PRTG: variants seen among roughly 807,000 people sequenced by gnomAD.
PRTG encodes the protein protogenin, also known as immunoglobulin superfamily, DCC subclass, member 5.
PRTG carries 67 observed loss-of-function variants against 122.5 expected under a neutral mutation model. That is an observed-to-expected ratio of 0.55 (90% CI 0.45 to 0.67). The LOEUF (loss-of-function observed/expected upper bound fraction) is 0.67, where lower values mean the gene tolerates loss of function less well. PRTG is among the 30% of genes least tolerant of loss of function. The probability of loss-of-function intolerance (pLI) is 0.00; values close to 1 mark genes in which losing one functional copy is unlikely to be tolerated. For synonymous variants in PRTG, 554 were observed against 501.1 expected, an observed-to-expected ratio of 1.11 and a Z score of -1.41; for missense variants, 1,435 against 1,415.4, an observed-to-expected ratio of 1.01 and a Z score of -0.22.
intron 2 of PRTG, among the ~76,000 whole-genome samples, chr15:55,705,450 T>C (rs943366006): frequency 2.0e-5 from 3 of 152,206 alleles, no homozygotes; most frequent in Non-Finnish European, 4.4e-5. Context: ...AACTATTTTG[T>C]CTTCCCCTTT....
chr15:55,680,562 AG>A lies in PRTG; in HGVS notation c.742del (p.Leu248PhefsTer5). On this transcript the variant is annotated frameshift_variant, in exon 5 of 20. Transcript: ENST00000389286. LOFTEE classifies it high-confidence loss of function. ...GCATTCCAAAACTACAGTCTGATGA[AG>A]AGATGTTGTTATGTTCTGTGGACCT... ...IAGPQNITTS[L>X]HQTVVLECMA... The A allele has an allele frequency of 6.2e-7, 1 of 1,601,140 alleles. No homozygotes were observed. The highest frequency in any genetic ancestry group is 8.5e-7 in the Non-Finnish European group (1 of 1,172,618).
intron 2 of PRTG, among the ~76,000 whole-genome samples, chr15:55,730,866 T>G (rs1477342284): frequency 6.6e-6 from 1 of 152,194 alleles, no homozygotes; most frequent in Admixed American, 6.5e-5. Flanking sequence ...GCTGTGCCCT[T>G]GAGAAAGGCA....
intron 2 of PRTG, among the ~76,000 whole-genome samples, chr15:55,737,642 C>A (rs1314008783): frequency 2.0e-5 from 3 of 152,134 alleles, no homozygotes; most frequent in African/African-American, 7.2e-5. Flanking sequence ...CTCATCCTGG[C>A]CAGTTTCTAA....
At chr15:55,706,219 C>G (rs2030109560) in intron 2 of PRTG, among the ~76,000 whole-genome samples, 1 of 151,694 alleles carries the variant, frequency 6.6e-6, no homozygotes, top group Non-Finnish European at 1.5e-5. Context: ...TGTTAAGTCT[C>G]TCCATAAAAG....
chr15:55,667,155 C>T (rs2059443385), intron 11 of PRTG, among the ~76,000 whole-genome samples: 1 of 151,160 alleles, frequency 6.6e-6, no homozygotes, highest in South Asian at 2.1e-4. Flanking sequence ...CAGAGAACAC[C>T]CAAAGTATTT....
At chr15:55,714,958 T>G (rs1441552743) in intron 2 of PRTG, among the ~76,000 whole-genome samples, 1 of 152,182 alleles carries the variant, frequency 6.6e-6, no homozygotes, top group African/African-American at 2.4e-5. Flanking sequence ...TTTACACATA[T>G]ACAGATAAAA....
At position 55,628,934 on chromosome 15, in the gene PRTG, G is replaced by A. The variant is rs1190352028; in HGVS notation, c.2694C>T (p.Ser898=). The A allele has an allele frequency of 1.9e-6, 3 of 1,613,912 alleles. No individual in the cohort carries two copies. The Admixed American group carries it at 5.0e-5, about 27-fold the overall frequency. ...GNVYIVKISA[S]NEVGEGPFSN... ...AAAAGGGTCCTTCTCCCACCTCATT[G>A]GATGCAGATATCTTGACAATGTACA... Residue 898 remains serine, a synonymous_variant, in exon 16 of 20, where the codon TCC becomes TCT. Coordinates refer to ENST00000389286, the MANE Select transcript of PRTG (RefSeq NM_173814.6).
At chr15:55,692,518 T>A (rs2059609450) in intron 2 of PRTG, among the ~76,000 whole-genome samples, 1 of 152,190 alleles carries the variant, frequency 6.6e-6, no homozygotes, top group South Asian at 2.1e-4. Flanking sequence ...AGAGATCAGA[T>A]GGTCTGCTGA....
At chr15:55,686,243 T>C (rs7162879) in intron 2 of PRTG, among the ~76,000 whole-genome samples, 1 of 151,980 alleles carries the variant, frequency 6.6e-6, no homozygotes, top group Admixed American at 6.6e-5. Flanking sequence ...TAAAGCACTC[T>C]TGTCAATCCC....
chr15:55,700,031 AT>A (rs2059653319), intron 2 of PRTG, among the ~76,000 whole-genome samples: 1 of 152,222 alleles, frequency 6.6e-6, no homozygotes, highest in African/African-American at 2.4e-5. Flanking sequence ...ACACTGTCTG[AT>A]TTCAAGAATT....
chr15:55,617,157 G>C lies in PRTG; in HGVS notation c.*2855C>G, dbSNP rs1412845385. ...CTTCAAAGAAGCTTGATTTGGTCAA[G>C]TAAAAAGAAGTCTTTGCTGTATTAC... On this transcript the variant is annotated 3_prime_UTR_variant, in exon 20 of 20. Coordinates refer to ENST00000389286, the MANE Select transcript of PRTG (RefSeq NM_173814.6). 6.6e-6 allele frequency: 1 copy of C among 151,896 alleles called. No individual in the cohort carries two copies. Among genetic ancestry groups the C allele is most frequent in the Non-Finnish European group, 1.5e-5 (1 of 67,914 alleles). 9.4% of individuals were successfully genotyped at this position (151,896 alleles called of 1,614,324 possible). A position where few individuals can be genotyped will look rare whatever the true frequency, so the allele number is the denominator to read the frequency against.
chr15:55,667,309 T>G (rs2141783721), intron 11 of PRTG, among the ~76,000 whole-genome samples: 1 of 152,238 alleles, frequency 6.6e-6, no homozygotes, highest in East Asian at 1.9e-4. Flanking sequence ...AGCTGCAAAT[T>G]GGCAAATGAA....
chr15:55,736,841 T>C (rs2031427740), intron 2 of PRTG, among the ~76,000 whole-genome samples: 1 of 152,198 alleles, frequency 6.6e-6, no homozygotes, highest in Admixed American at 6.5e-5. Context: ...TTCCACCTTT[T>C]ATGGAAAGGA....
rs747118090 is a variant in PRTG, at chr15:55,624,448, G to A, written c.2987C>T (p.Ala996Val). The A allele has an allele frequency of 6.2e-7, 1 of 1,613,764 alleles. No homozygotes were observed. Residue 996 changes from alanine (A) to valine (V), a missense_variant, in exon 18 of 20, where the codon GCC (alanine) becomes GTC (valine). Ala to Val is a moderately conservative substitution (Grantham distance 64). Coordinates refer to ENST00000389286, the MANE Select transcript of PRTG (RefSeq NM_173814.6). ...NGTQQLPRTS[A>V]SLASGNEVGK... ...TACCTCATTTCCACTAGCTAAGGAG[G>A]CACTGGTACGAGGTAACTGTTGAGT...
At chr15:55,724,699 G>A (rs141809347) in intron 2 of PRTG, among the ~76,000 whole-genome samples, 1,907 of 152,088 alleles carry the variant, frequency 0.013, 47 homozygotes, top group African/African-American at 0.044. Flanking sequence ...CAGAGGTTGC[G>A]GTGAGCCAAG....
chr15:55,656,729 C>T (rs1050310376), intron 11 of PRTG, among the ~76,000 whole-genome samples: 27 of 152,206 alleles, frequency 1.8e-4, no homozygotes, highest in African/African-American at 5.8e-4. Context: ...AGGATGGTCT[C>T]GATCTCCTGA....
chr15:55,650,824 A>C (rs2059349385), intron 11 of PRTG, among the ~76,000 whole-genome samples: 1 of 152,038 alleles, frequency 6.6e-6, no homozygotes, highest in African/African-American at 2.4e-5. Flanking sequence ...GAAATTAGCT[A>C]GGCATGATAG....
In PRTG at chr15:55,639,733, G is replaced by A; in HGVS notation, c.2233C>T (p.Pro745Ser). The change falls in exon 13 of 20, where the codon CCT becomes TCT. Residue 745 changes from proline to serine, a missense_variant. Pro to Ser is a moderately conservative substitution (Grantham distance 74). Coordinates refer to ENST00000389286, the MANE Select transcript of PRTG (RefSeq NM_173814.6). ...SSSIFLHWRR[P>S]AFTAAQIINY... is the part of the protein sequence containing the mutation. ...ATGATTTGTGCAGCGGTGAATGCAG[G>A]CCTCCTCCAGTGCAGGAAGATGGAA... 6.2e-7 allele frequency: 1 copy of A among 1,614,122 alleles called. No individual in the cohort carries two copies. The highest frequency in any genetic ancestry group is 8.5e-7 in the Non-Finnish European group (1 of 1,179,988).
At chr15:55,735,487 C>T (rs570885844) in intron 2 of PRTG, among the ~76,000 whole-genome samples, 136 of 151,738 alleles carry the variant, frequency 9.0e-4, no homozygotes, top group Non-Finnish European at 1.8e-3. Context: ...CATCAATAGA[C>T]CCAGCTGTTA....
Sources: allele counts gnomAD v4.1 joint callset (sites outside exome capture counted in the v4.1 genomes callset), GRCh38; gene constraint gnomAD v4.1.1; transcripts MANE v1.5; gene names NCBI Gene and HGNC (gene_info 2026-07-23, HGNC 2026-07-21).